Variants in EVA1B observed in about 807,000 individuals in gnomAD.
EVA1B encodes protein eva-1 homolog B.
EVA1B carries 2 observed loss-of-function variants against 4.6 expected under a neutral mutation model. The observed-to-expected ratio is 0.43, with a 90% CI of 0.18 to 1.37. The LOEUF (loss-of-function observed/expected upper bound fraction) is 1.37. Among genes scored for constraint, EVA1B ranks in the 40% most tolerant of loss-of-function variants. The pLI, the probability that EVA1B is intolerant of heterozygous loss-of-function variation, is 0.28. For synonymous variants in EVA1B, 124 were observed against 115.8 expected (o/e 1.07, Z -0.46); for missense variants, 263 against 240.4 (o/e 1.09, Z -0.62).
In EVA1B at chr1:36,322,422, C is replaced by A. The variant is rs200217271; in HGVS notation, c.371G>T (p.Arg124Leu). ...TSAEELERAQ[R>L]LEERERILRE... ...CAGGATCCGTTCGCGCTCCTCCAGC[C>A]GCTGCGCCCGCTCCAGCTCCTCCGC... is the stretch of plus-strand genomic sequence containing the variant. The change falls in exon 3 of 3, where the codon CGG becomes CTG. Residue 124 changes from arginine (R) to leucine (L), a missense_variant. Physicochemically the swap from Arg to Leu is moderately radical, Grantham distance 102. Coordinates refer to ENST00000490466, the MANE Select transcript of EVA1B (RefSeq NM_001304762.2). 1.9e-6 allele frequency: 3 copies of A among 1,602,492 alleles called. No homozygotes were observed. Among genetic ancestry groups the A allele is most frequent in the Middle Eastern group, 1.8e-4 (1 of 5,644 alleles).
chr1:36,322,890 G>T, intron 2 of EVA1B, 81 bp downstream of exon 2: 1 of 1,561,242 alleles, frequency 6.4e-7, no homozygotes, highest in Non-Finnish European at 8.8e-7. Context: ...GGGCGGAGGG[G>T]ACGGACAAGG....
intron 1 of EVA1B, 46 bp from the exon 2 acceptor site, chr1:36,323,113 C>A (rs1409614164): frequency 2.0e-6 from 3 of 1,496,038 alleles, no homozygotes; most frequent in Non-Finnish European, 2.7e-6. Context: ...CTGGAGCCCA[C>A]CCCGACCCCT....
At chr1:36,323,163 T>G in intron 1 of EVA1B, 96 bp from the exon 2 acceptor site, 2 of 1,078,138 alleles carry the variant, frequency 1.9e-6, no homozygotes, top group Non-Finnish European at 2.6e-6. Context: ...CGGGCCCAGG[T>G]TCCACCCTGG....
chr1:36,322,422 C>G lies in EVA1B; in HGVS notation c.371G>C (p.Arg124Pro). 6.2e-7 allele frequency: 1 copy of G among 1,602,492 alleles called. No homozygotes were observed. The highest frequency in any genetic ancestry group is 8.5e-7 in the Non-Finnish European group (1 of 1,179,328). Residue 124 changes from arginine to proline, a missense_variant, in exon 3 of 3, where the codon CGG becomes CCG. Physicochemically the swap from Arg to Pro is moderately radical, Grantham distance 103. Coordinates refer to ENST00000490466, the MANE Select transcript of EVA1B (RefSeq NM_001304762.2). ...CAGGATCCGTTCGCGCTCCTCCAGCCGCTGCGCCCGCTCCAGCTCCTCCGC... is the reference window on the plus strand; with the variant it reads ...CAGGATCCGTTCGCGCTCCTCCAGCGGCTGCGCCCGCTCCAGCTCCTCCGC... ...TSAEELERAQ[R>P]LEERERILRE...
chr1:36,323,194 C>T, intron 1 of EVA1B, 127 bp from the exon 2 acceptor site: 1 of 760,696 alleles, frequency 1.3e-6, no homozygotes, highest in Non-Finnish European at 2.0e-6. Flanking sequence ...TCCCTAACTT[C>T]GTGGCGGCCC....
rs1027997034 is a variant in EVA1B at position 36,322,188 on chromosome 1, A to G, written c.*107T>C. ...CAGGGGGTGGCGGTCCACGCCCAGT[A>G]GCACCTGGGAGCTGTGGGGGCCGAG... On this transcript the variant is annotated 3_prime_UTR_variant, in exon 3 of 3. Coordinates refer to ENST00000490466, the MANE Select transcript of EVA1B (RefSeq NM_001304762.2). The G allele has an allele frequency of 6.6e-6, 9 of 1,361,214 alleles. No homozygotes were observed. Among genetic ancestry groups the G allele is most frequent in the Admixed American group, 3.2e-5 (1 of 31,586 alleles). 84.3% of individuals were successfully genotyped at this position (1,361,214 alleles called of 1,614,324 possible).
chr1:36,323,021 C>T lies in EVA1B; in HGVS notation c.17G>A (p.Arg6Lys). The T allele has an allele frequency of 6.3e-7, 1 of 1,599,374 alleles. No homozygotes were observed. Among genetic ancestry groups the T allele is most frequent in the Non-Finnish European group, 8.5e-7 (1 of 1,175,914 alleles). The change falls in exon 2 of 3, where the codon AGG becomes AAG. Residue 6 changes from arginine to lysine, a missense_variant. Physicochemically the swap from Arg to Lys is conservative, Grantham distance 26. Coordinates refer to ENST00000490466, the MANE Select transcript of EVA1B (RefSeq NM_001304762.2). MDAPR[R>K]DMELLSNSLA... is the part of the protein sequence containing the mutation. The stretch of plus-strand genomic sequence containing the variant: ...GCTGTTGCTGAGCAACTCCATGTCC[C>T]TTCGCGGGGCATCCATGCTGCTCTG...
rs771585675 is a variant in EVA1B at position 36,323,001 on chromosome 1, T to C, written c.37A>G (p.Asn13Asp). The C allele has an allele frequency of 2.5e-6, 4 of 1,604,980 alleles. No homozygotes were observed. In the African/African-American group the frequency reaches 5.4e-5, roughly 22 times the overall value. The change falls in exon 2 of 3, where the codon AAC becomes GAC. Residue 13 changes from asparagine to aspartate, a missense_variant. Physicochemically the swap from Asn to Asp is conservative, Grantham distance 23. Coordinates refer to ENST00000490466, the MANE Select transcript of EVA1B (RefSeq NM_001304762.2). ...ATGTGCGCGTAGGCAGCCAGGCTGT[T>C]GCTGAGCAACTCCATGTCCCTTCGC... Reference protein sequence around the residue: ...APRRDMELLSNSLAAYAHIRA... With the variant: ...APRRDMELLSDSLAAYAHIRA...
Position 36,322,063 on chromosome 1 carries a change from C to T in EVA1B, c.*232G>A. On this transcript the variant is annotated 3_prime_UTR_variant, in exon 3 of 3. Transcript: ENST00000490466. ...AATGCAGCTTTCTTTCATTTGGTCA[C>T]TTCACCTCTTCATCGACCCCAGAGA... The T allele has an allele frequency of 4.5e-6, 6 of 1,342,314 alleles. No homozygotes were observed. Among genetic ancestry groups the T allele is most frequent in the Non-Finnish European group, 5.7e-6 (6 of 1,052,252 alleles). 83.2% of individuals were successfully genotyped at this position (1,342,314 alleles called of 1,614,324 possible).
rs1406191655 is a variant in EVA1B at position 36,322,435 on chromosome 1, C to G, written c.358G>C (p.Glu120Gln). ...VNVFTSAEELERAQRLEERER... is the reference protein window; with the variant it reads ...VNVFTSAEELQRAQRLEERER... ...CGCTCCTCCAGCCGCTGCGCCCGCT[C>G]CAGCTCCTCCGCCGACGTGAAGACG... Residue 120 changes from glutamate (E) to glutamine (Q), a missense_variant, in exon 3 of 3, where the codon GAG (glutamate) becomes CAG (glutamine). By Grantham distance (29) the Glu-to-Gln change is conservative. Coordinates refer to ENST00000490466, the MANE Select transcript of EVA1B (RefSeq NM_001304762.2). 7 of 1,603,736 alleles carry G rather than the reference C, an allele frequency of 4.4e-6. No homozygotes were observed. The East Asian group carries it at 1.1e-4, about 26-fold the overall frequency.
At chr1:36,322,822 T>TG in intron 2 of EVA1B, 97 bp from the exon 3 acceptor site, 1 of 1,486,186 alleles carries the variant, frequency 6.7e-7, no homozygotes, top group Non-Finnish European at 9.2e-7. Context: ...GGGCGAGGCC[T>TG]GTAACCCCTA....
Position 36,322,950 on chromosome 1 carries a change from T to A in EVA1B, c.67+21A>T, listed in dbSNP as rs745689613. 5.6e-6 allele frequency: 9 copies of A among 1,606,496 alleles called. No homozygotes were observed. The South Asian group carries it at 9.9e-5, about 18-fold the overall frequency. ...GTCAGGGAAGGGTTCAGGCCCCCAGTCTTCCGGCGCCCGCCCTCACCGCGG... is the reference window on the plus strand; with the variant it reads ...GTCAGGGAAGGGTTCAGGCCCCCAGACTTCCGGCGCCCGCCCTCACCGCGG... On this transcript the variant is annotated intron_variant, in intron 2 of 2. Coordinates refer to ENST00000490466, the MANE Select transcript of EVA1B (RefSeq NM_001304762.2).
In EVA1B at chr1:36,322,154, G is replaced by C. The variant is rs1646473712; in HGVS notation, c.*141C>G. On this transcript the variant is annotated 3_prime_UTR_variant, in exon 3 of 3. Transcript: ENST00000490466. ...GGGTCTTCTGGCAGGACTGGGGAAGGGAGCCTCTCAGGGGGTGGCGGTCCA... is the reference window on the plus strand; with the variant it reads ...GGGTCTTCTGGCAGGACTGGGGAAGCGAGCCTCTCAGGGGGTGGCGGTCCA... 9.6e-6 allele frequency: 13 copies of C among 1,355,076 alleles called. No individual in the cohort carries two copies. The highest frequency in any genetic ancestry group is 1.1e-5 in the Non-Finnish European group (12 of 1,046,864). The allele number at this position is 1,355,076 out of a possible 1,614,324, so 83.9% of individuals were successfully genotyped here.
Position 36,322,724 on chromosome 1 carries a change from G to T in EVA1B, c.69C>A (p.Ala23=). 3.2e-6 allele frequency: 5 copies of T among 1,546,510 alleles called. No homozygotes were observed. The highest frequency in any genetic ancestry group is 2.4e-5 in the South Asian group (2 of 83,992). ...NSLAAYAHIR[A]NPESFGLYFV... ...AGTAGAGGCCGAAGCTCTCGGGGTT[G>T]GCTGCGGGGCACAGGGCGGGGGTCA... Residue 23 remains alanine (A), a splice_region_variant and synonymous_variant, in exon 3 of 3, where the codon GCC becomes GCA. Coordinates refer to ENST00000490466, the MANE Select transcript of EVA1B (RefSeq NM_001304762.2).
intron 1 of EVA1B, 102 bp from the exon 2 acceptor site, chr1:36,323,169 C>A: frequency 1.0e-6 from 1 of 988,644 alleles, no homozygotes; most frequent in Non-Finnish European, 1.5e-6. Flanking sequence ...CAGGTTCCAC[C>A]CTGGAGAGAG....
At chr1:36,322,946 C>G (rs778732234) in intron 2 of EVA1B, 25 bp downstream of exon 2, 1 of 1,606,800 alleles carries the variant, frequency 6.2e-7, no homozygotes, top group Non-Finnish European at 8.5e-7. Flanking sequence ...GTTCAGGCCC[C>G]CAGTCTTCCG....
Position 36,322,150 on chromosome 1 carries a change from G to T in EVA1B, c.*145C>A, listed in dbSNP as rs565550754. 27 of 1,355,680 alleles carry T rather than the reference G, an allele frequency of 2.0e-5. No homozygotes were observed. The African/African-American group carries it at 3.2e-4, about 16-fold the overall frequency. The allele number at this position is 1,355,680 out of a possible 1,614,324, so 84.0% of individuals were successfully genotyped here. The stretch of plus-strand genomic sequence containing the variant: ...CCCGGGGTCTTCTGGCAGGACTGGG[G>T]AAGGGAGCCTCTCAGGGGGTGGCGG... On this transcript the variant is annotated 3_prime_UTR_variant, in exon 3 of 3. Transcript: ENST00000490466.
At chr1:36,323,166 C>T (rs1354519195) in intron 1 of EVA1B, 99 bp from the exon 2 acceptor site, 2 of 1,007,532 alleles carry the variant, frequency 2.0e-6, no homozygotes, top group Non-Finnish European at 2.8e-6. Context: ...GCCCAGGTTC[C>T]ACCCTGGAGA....
Position 36,322,978 on chromosome 1 carries a change from G to A in EVA1B, c.60C>T (p.His20=). The A allele has an allele frequency of 6.2e-7, 1 of 1,606,658 alleles. No individual in the cohort carries two copies. The highest frequency in any genetic ancestry group is 2.2e-5 in the East Asian group (1 of 44,766). Reference sequence around the variant, plus strand: ...TCCGGCGCCCGCCCTCACCGCGGATGTGCGCGTAGGCAGCCAGGCTGTTGC... The same window carrying A: ...TCCGGCGCCCGCCCTCACCGCGGATATGCGCGTAGGCAGCCAGGCTGTTGC... ...LLSNSLAAYA[H]IRANPESFGL... The change falls in exon 2 of 3, where the codon CAC becomes CAT. Residue 20 remains histidine, a synonymous_variant. Transcript: ENST00000490466.
Sources: allele counts gnomAD v4.1 joint callset, GRCh38; gene constraint gnomAD v4.1.1; transcripts MANE v1.5; gene names NCBI Gene and HGNC (gene_info 2026-07-23, HGNC 2026-07-21).